Variants in STPG2 observed in about 807,000 individuals in gnomAD.
The protein encoded by STPG2 is sperm tail PG-rich repeat containing 2, also known as sperm-tail PG-rich repeat-containing protein 2.
In STPG2, 56 loss-of-function variants were observed where a neutral mutation model predicts 54.2. The observed-to-expected ratio is 1.03, with a 90% CI of 0.83 to 1.29. The LOEUF is 1.29. STPG2 is among the 50% of genes most tolerant of loss of function. STPG2 has a pLI of 0.00. For synonymous variants in STPG2, 200 were observed against 181.8 expected (o/e 1.10, Z -0.81); for missense variants, 596 against 544.9 (o/e 1.09, Z -0.93).
intron 4 of STPG2, among the ~76,000 whole-genome samples, chr4:97,520,303 AG>A (rs565260952): frequency 2.0e-4 from 30 of 152,228 alleles, no homozygotes; most frequent in Admixed American, 1.6e-3. Context: ...CAGAAAGTCT[AG>A]TACAAGTAGG....
intron 10 of STPG2, among the ~76,000 whole-genome samples, chr4:97,572,927 T>C (rs1472909787): frequency 1.3e-5 from 2 of 152,120 alleles, no homozygotes; most frequent in Admixed American, 6.6e-5. Context: ...GAATGCAAAA[T>C]GAATTCAATA....
chr4:97,530,831 G>C (rs529825183), intron 4 of STPG2, among the ~76,000 whole-genome samples: 1 of 152,130 alleles, frequency 6.6e-6, no homozygotes, highest in Non-Finnish European at 1.5e-5. Flanking sequence ...GTGCACTTTG[G>C]GGAGGGAGAG....
intron 8 of STPG2, among the ~76,000 whole-genome samples, chr4:97,851,756 C>T (rs1324095534): frequency 2.0e-5 from 3 of 152,076 alleles, no homozygotes; most frequent in African/African-American, 7.2e-5. Context: ...GCATTTTCTT[C>T]TCTTTGCTAT....
chr4:97,777,047 T>C (rs1345073213), intron 9 of STPG2, among the ~76,000 whole-genome samples: 1 of 152,190 alleles, frequency 6.6e-6, no homozygotes, highest in Non-Finnish European at 1.5e-5. Context: ...TTGAAAACTA[T>C]TAAGTACTAT....
At chr4:98,086,616 C>G (rs1424070796) in intron 5 of STPG2, among the ~76,000 whole-genome samples, 1 of 121,540 alleles carries the variant, frequency 8.2e-6, no homozygotes, top group Non-Finnish European at 1.7e-5. Context: ...ACATCCAAAA[C>G]TTAATAGACA....
intron 9 of STPG2, among the ~76,000 whole-genome samples, chr4:97,831,678 T>C (rs1402725819): frequency 6.6e-6 from 1 of 151,996 alleles, no homozygotes; most frequent in Admixed American, 6.6e-5. Context: ...TAAAAAATGA[T>C]AAAGGGGATA....
rs76728215 is a variant in STPG2, at chr4:97,821,667, G to A, written c.1204+19106C>T. Among the ~76,000 whole-genome samples, 1,309 of 152,264 alleles carry A rather than the reference G, an allele frequency of 8.6e-3. 14 individuals carry two copies. Among genetic ancestry groups the A allele is most frequent in the East Asian group, 0.052 (267 of 5,162 alleles). Reference sequence around the variant, plus strand: ...ATCCTCTGAAATCTAAGCACAGGCCGCCAAGCCTCCCTCACTCTTGCACTC... The same window carrying A: ...ATCCTCTGAAATCTAAGCACAGGCCACCAAGCCTCCCTCACTCTTGCACTC... On this transcript the variant is annotated intron_variant, in intron 9 of 10. Transcript: ENST00000295268.
At chr4:97,990,482 C>A (rs560011830) in intron 5 of STPG2, among the ~76,000 whole-genome samples, 62 of 152,236 alleles carry the variant, frequency 4.1e-4, no homozygotes, top group Non-Finnish European at 8.5e-4. Flanking sequence ...CAAAAGACAA[C>A]CTGCATTAAT....
intron 8 of STPG2, among the ~76,000 whole-genome samples, chr4:97,939,549 T>C (rs1732896766): frequency 1.3e-5 from 2 of 152,230 alleles, no homozygotes; most frequent in Admixed American, 1.3e-4. Flanking sequence ...TTTACCATTA[T>C]GTAATGCCCT....
chr4:97,713,184 T>TA (rs1445229582), intron 9 of STPG2, among the ~76,000 whole-genome samples: 1 of 152,166 alleles, frequency 6.6e-6, no homozygotes, highest in Non-Finnish European at 1.5e-5. Flanking sequence ...AAATGGGATT[T>TA]AAAGAAGCAG....
chr4:97,977,255 TGGAAAA>T (rs1734529793), intron 6 of STPG2, among the ~76,000 whole-genome samples: 1 of 152,194 alleles, frequency 6.6e-6, no homozygotes, highest in African/African-American at 2.4e-5. Flanking sequence ...TCTTTTAAAT[TGGAAAA>T]GGAAAACAGC....
chr4:97,509,543 C>T (rs1417097065), intron 4 of STPG2, among the ~76,000 whole-genome samples: 2 of 151,976 alleles, frequency 1.3e-5, no homozygotes, highest in Non-Finnish European at 1.5e-5. Context: ...TAAAGAATAG[C>T]TTAATGAGGA....
At chr4:98,014,953 T>G (rs1735889327) in intron 5 of STPG2, among the ~76,000 whole-genome samples, 1 of 152,202 alleles carries the variant, frequency 6.6e-6, no homozygotes, top group African/African-American at 2.4e-5. Context: ...CCTGCAAAGT[T>G]TCTGATGAAA....
At chr4:97,819,457 T>C (rs1462923170) in intron 9 of STPG2, among the ~76,000 whole-genome samples, 1 of 152,094 alleles carries the variant, frequency 6.6e-6, no homozygotes, top group Non-Finnish European at 1.5e-5. Flanking sequence ...TTTCCTAAAA[T>C]AATTTCCTGT....
chr4:97,458,088 G>A (rs1039707769), intron 4 of STPG2, among the ~76,000 whole-genome samples: 4 of 152,158 alleles, frequency 2.6e-5, no homozygotes, highest in Admixed American at 1.3e-4. Flanking sequence ...CTAGAGAGAT[G>A]AAAACAGATA....
intron 5 of STPG2, among the ~76,000 whole-genome samples, chr4:98,022,467 A>T (rs1315876432): frequency 6.6e-6 from 1 of 151,562 alleles, no homozygotes; most frequent in Non-Finnish European, 1.5e-5. Flanking sequence ...CCTTCATTTC[A>T]ACTTTGGTGA....
chr4:97,910,527 A>T (rs556837152), intron 8 of STPG2, among the ~76,000 whole-genome samples: 3 of 152,222 alleles, frequency 2.0e-5, no homozygotes, highest in Non-Finnish European at 4.4e-5. Flanking sequence ...TTAAGCACCA[A>T]ATTGACATCT....
At position 97,704,397 on chromosome 4, in the gene STPG2, C is replaced by A. The variant is rs1330432336; in HGVS notation, c.1320+8302G>T. Among the ~76,000 whole-genome samples, 8 of 152,286 alleles carry A rather than the reference C, an allele frequency of 5.3e-5. No homozygotes were observed. The East Asian group carries it at 1.4e-3, about 26-fold the overall frequency. On this transcript the variant is annotated intron_variant, in intron 10 of 10. Transcript: ENST00000295268. ...TTCCTCTCAACACAACCCAGAGAAG[C>A]TCATACCTCTGACAGATATCCCAAG...
At chr4:97,477,095 G>C (rs746546222) in intron 4 of STPG2, among the ~76,000 whole-genome samples, 1 of 152,170 alleles carries the variant, frequency 6.6e-6, no homozygotes, top group East Asian at 1.9e-4. Flanking sequence ...CTCTATTAGA[G>C]TCCTCTGAGT....
Sources: gnomAD v4.1 joint callset for allele counts (sites outside exome capture counted in the v4.1 genomes callset) on GRCh38, gnomAD v4.1.1 for gene constraint, MANE v1.5 for transcripts, NCBI Gene and HGNC (gene_info 2026-07-23, HGNC 2026-07-21) for gene names.